The following POPDC1 variants were observed in gnomAD, a reference collection of about 807,000 sequenced individuals.
POPDC1 encodes the protein popeye domain-containing protein 1.
chr6:105,109,171 T>C, the POPDC1 span, among the ~76,000 whole-genome samples: 1 of 152,114 alleles, frequency 6.6e-6, no homozygotes, highest in Non-Finnish European at 1.5e-5. Context: ...CTGGCTGGGC[T>C]GGTCTTGAAC....
chr6:105,131,175 A>C, the POPDC1 span, among the ~76,000 whole-genome samples: 4 of 152,212 alleles, frequency 2.6e-5, no homozygotes, highest in Non-Finnish European at 5.9e-5. Flanking sequence ...TTTAAAAGTT[A>C]CTCACTTGCA....
At chr6:105,108,459 T>G in the POPDC1 span, among the ~76,000 whole-genome samples, 1 of 151,684 alleles carries the variant, frequency 6.6e-6, no homozygotes, top group Non-Finnish European at 1.5e-5. Context: ...AAAGGCAGGG[T>G]TCAAATAGAG....
chr6:105,128,892 AAAAGTT>A, the POPDC1 span, among the ~76,000 whole-genome samples: 1 of 152,238 alleles, frequency 6.6e-6, no homozygotes, highest in Non-Finnish European at 1.5e-5. Flanking sequence ...GTTGAAAAGA[AAAAGTT>A]AAAGACTGGT....
chr6:105,115,455 A>G, the POPDC1 span, among the ~76,000 whole-genome samples: 2 of 152,368 alleles, frequency 1.3e-5, no homozygotes, highest in East Asian at 3.9e-4. Context: ...TGGCAAAACC[A>G]GTGAACAATT....
At chr6:105,124,508 A>G in the POPDC1 span, 19 of 1,390,076 alleles carry the variant, frequency 1.4e-5, no homozygotes, top group Non-Finnish European at 1.9e-5. Flanking sequence ...TGAGATGCAA[A>G]CTAGTTTCAA....
chr6:105,100,370 C>A, the POPDC1 span: 1 of 151,802 alleles, frequency 6.6e-6, no homozygotes, highest in East Asian at 1.9e-4. Context: ...ATTAGCTGGG[C>A]GCGGTGGCAG....
At chr6:105,102,743 T>G in the POPDC1 span, among the ~76,000 whole-genome samples, 2 of 152,178 alleles carry the variant, frequency 1.3e-5, no homozygotes, top group Non-Finnish European at 2.9e-5. Flanking sequence ...ATAGAACATG[T>G]GACTAAATGT....
At chr6:105,114,516 G>T in the POPDC1 span, among the ~76,000 whole-genome samples, 1 of 152,090 alleles carries the variant, frequency 6.6e-6, no homozygotes, top group African/African-American at 2.4e-5. Flanking sequence ...AAGAATTGTT[G>T]AATGTGTTTG....
At chr6:105,128,676 T>C in the POPDC1 span, among the ~76,000 whole-genome samples, 1 of 152,226 alleles carries the variant, frequency 6.6e-6, no homozygotes, top group African/African-American at 2.4e-5. Context: ...GAATCTTCTA[T>C]GAATCATCTT....
the POPDC1 span, chr6:105,133,483 G>A: frequency 2.5e-6 from 4 of 1,613,878 alleles, no homozygotes; most frequent in Non-Finnish European, 3.4e-6. Context: ...TTCACAAGTG[G>A]TCTTATTGGA....
At chr6:105,098,692 C>T in the POPDC1 span, 1 of 152,208 alleles carries the variant, frequency 6.6e-6, no homozygotes, top group African/African-American at 2.4e-5. Flanking sequence ...TATGACATCA[C>T]AGTTACACCT....
the POPDC1 span, chr6:105,101,073 T>C: frequency 5.6e-6 from 9 of 1,598,372 alleles, no homozygotes; most frequent in African/African-American, 1.2e-4. Flanking sequence ...CTTGGTAACC[T>C]GAATTCTCTC....
At chr6:105,118,055 G>A in the POPDC1 span, among the ~76,000 whole-genome samples, 3 of 152,204 alleles carry the variant, frequency 2.0e-5, no homozygotes, top group African/African-American at 4.8e-5. Flanking sequence ...GGTGACAAGC[G>A]CGAGACCTCA....
chr6:105,117,047 T>TA, the POPDC1 span, among the ~76,000 whole-genome samples: 2 of 152,206 alleles, frequency 1.3e-5, no homozygotes, highest in East Asian at 3.8e-4. Context: ...TTATGTTTTT[T>TA]AAAAAAGCAA....
At chr6:105,100,548 A>ATG in the POPDC1 span, 5 of 17,114 alleles carry the variant, frequency 2.9e-4, no homozygotes, top group African/African-American at 7.0e-4. Context: ...GTATGTATAT[A>ATG]TATGTATATA....
At chr6:105,125,724 A>G in the POPDC1 span, 1 of 765,868 alleles carries the variant, frequency 1.3e-6, no homozygotes, top group Non-Finnish European at 2.1e-6. Flanking sequence ...AGAATCTTAC[A>G]CAGCAAGTGA....
chr6:105,106,775 A>G, the POPDC1 span, among the ~76,000 whole-genome samples: 2 of 134,722 alleles, frequency 1.5e-5, 1 homozygote, highest in East Asian at 4.4e-4. Flanking sequence ...CTTGAGTTAA[A>G]GAACCACAGA....
chr6:105,124,078 G>A, the POPDC1 span, among the ~76,000 whole-genome samples: 1 of 152,074 alleles, frequency 6.6e-6, no homozygotes, highest in Non-Finnish European at 1.5e-5. Flanking sequence ...AACATTTTCT[G>A]TACATATATA....
At chr6:105,129,849 A>C in the POPDC1 span, among the ~76,000 whole-genome samples, 4 of 152,164 alleles carry the variant, frequency 2.6e-5, no homozygotes. Context: ...AAATGTATGA[A>C]TTGTTTATTC....
Sources: gnomAD v4.1 joint callset for allele counts (sites outside exome capture counted in the v4.1 genomes callset) on GRCh38, gnomAD v4.1.1 for gene constraint, MANE v1.5 for transcripts, NCBI Gene and HGNC (gene_info 2026-07-23, HGNC 2026-07-21) for gene names.